The following RAB38 variants were observed in gnomAD, a reference collection of about 807,000 sequenced individuals.
The protein encoded by RAB38 is ras-related protein Rab-38.
RAB38 carries 15 observed loss-of-function variants against 18.4 expected under a neutral mutation model. The observed-to-expected ratio is 0.82, with a 90% CI of 0.55 to 1.26. The LOEUF (loss-of-function observed/expected upper bound fraction) is 1.26. RAB38 is among the 50% of genes most tolerant of loss of function. The pLI is 0.00. For synonymous variants in RAB38, 101 were observed against 104.4 expected (o/e 0.97, Z 0.20); for missense variants, 294 against 267.4 (o/e 1.10, Z -0.69).
At chr11:88,077,033 A>AAAAGAAAAGAAAAGAAAGC in the RAB38 span, among the ~76,000 whole-genome samples, 64 of 109,328 alleles carry the variant, frequency 5.9e-4, 2 homozygotes, top group East Asian at 2.1e-3. Context: ...GAAAAGAAAG[A>AAAAGAAAAGAAAAGAAAGC]AAGCAAGCAA....
At chr11:87,849,250 C>T in the RAB38 span, among the ~76,000 whole-genome samples, 1 of 152,116 alleles carries the variant, frequency 6.6e-6, no homozygotes, top group Non-Finnish European at 1.5e-5. Flanking sequence ...GGTTTGTACC[C>T]AAGTTTGCCC....
the RAB38 span, among the ~76,000 whole-genome samples, chr11:88,087,818 A>G: frequency 6.6e-6 from 1 of 151,832 alleles, no homozygotes; most frequent in Non-Finnish European, 1.5e-5. Context: ...TTTCATCACC[A>G]TTTGCTGGTT....
chr11:87,965,846 T>TCG, the RAB38 span, among the ~76,000 whole-genome samples: 3 of 152,142 alleles, frequency 2.0e-5, no homozygotes, highest in African/African-American at 4.8e-5. Flanking sequence ...AATTTGTGCA[T>TCG]TATGGGTTAA....
the RAB38 span, among the ~76,000 whole-genome samples, chr11:87,976,183 G>T: frequency 6.9e-6 from 1 of 144,614 alleles, no homozygotes. Flanking sequence ...GGTATATATA[G>T]GTATATTTAT....
chr11:87,885,088 A>G, the RAB38 span, among the ~76,000 whole-genome samples: 1 of 152,008 alleles, frequency 6.6e-6, no homozygotes. Flanking sequence ...GATGATTTCA[A>G]CATGTAATCA....
chr11:88,132,630 T>C (rs1482553895), intron 2 of RAB38, among the ~76,000 whole-genome samples: 1 of 152,174 alleles, frequency 6.6e-6, no homozygotes, highest in Non-Finnish European at 1.5e-5. Context: ...GCTAATTTTT[T>C]GTATTTTTAG....
At chr11:87,889,069 C>T in the RAB38 span, among the ~76,000 whole-genome samples, 1 of 151,852 alleles carries the variant, frequency 6.6e-6, no homozygotes, top group African/African-American at 2.4e-5. Flanking sequence ...CTCTTATCAG[C>T]AATAGTTTTT....
At chr11:87,873,922 G>GTGTATATATATATATATATATATATA in the RAB38 span, among the ~76,000 whole-genome samples, 3 of 103,114 alleles carry the variant, frequency 2.9e-5, no homozygotes, top group Admixed American at 1.2e-4. Flanking sequence ...GTGTGTGTGT[G>GTGTATATATATATATATATATATATA]TATATATATA....
chr11:87,840,936 G>A, the RAB38 span, among the ~76,000 whole-genome samples: 108 of 152,180 alleles, frequency 7.1e-4, no homozygotes, highest in African/African-American at 2.3e-3. Context: ...TAAAGTTCTC[G>A]TTACAGGTAT....
At chr11:87,937,683 C>A in the RAB38 span, among the ~76,000 whole-genome samples, 2 of 151,796 alleles carry the variant, frequency 1.3e-5, no homozygotes, top group Non-Finnish European at 2.9e-5. Flanking sequence ...AAGAATTGAT[C>A]CATTTGGAAA....
chr11:88,041,868 G>A, the RAB38 span, among the ~76,000 whole-genome samples: 3,200 of 152,086 alleles, frequency 0.021, 97 homozygotes, highest in African/African-American at 0.072. Context: ...ATACCTAAGC[G>A]CAGCCCACAT....
chr11:87,858,933 CAAAAAT>C, the RAB38 span, among the ~76,000 whole-genome samples: 298 of 139,026 alleles, frequency 2.1e-3, no homozygotes, highest in African/African-American at 7.3e-3. Flanking sequence ...GTCCAAAAAA[CAAAAAT>C]AAAAAGTAAA....
the RAB38 span, among the ~76,000 whole-genome samples, chr11:88,085,234 C>T: frequency 6.6e-6 from 1 of 151,888 alleles, no homozygotes; most frequent in Non-Finnish European, 1.5e-5. Flanking sequence ...ACTTCTTTCA[C>T]TATATATCTC....
the RAB38 span, among the ~76,000 whole-genome samples, chr11:88,044,550 G>C: frequency 3.9e-5 from 6 of 152,060 alleles, no homozygotes; most frequent in Admixed American, 3.9e-4. Context: ...AAACTCGACA[G>C]TGGTTCCAAA....
chr11:88,123,040 C>G (rs1289429898), intron 2 of RAB38, among the ~76,000 whole-genome samples: 1 of 152,216 alleles, frequency 6.6e-6, no homozygotes, highest in South Asian at 2.1e-4. Flanking sequence ...AAACGATATA[C>G]ACAGATGAAA....
the RAB38 span, among the ~76,000 whole-genome samples, chr11:87,858,360 G>C: frequency 6.6e-6 from 1 of 152,118 alleles, no homozygotes; most frequent in Non-Finnish European, 1.5e-5. Flanking sequence ...CCTCTACTCT[G>C]TGGTAGAGTT....
chr11:88,021,736 T>G, the RAB38 span, among the ~76,000 whole-genome samples: 5 of 148,800 alleles, frequency 3.4e-5, no homozygotes, highest in Non-Finnish European at 5.9e-5. Context: ...ACTACAGACC[T>G]ACGCTCAACT....
chr11:88,153,794 T>C (rs1356736111), intron 1 of RAB38, among the ~76,000 whole-genome samples: 1 of 152,208 alleles, frequency 6.6e-6, no homozygotes, highest in Non-Finnish European at 1.5e-5. Context: ...TAGTGTATGA[T>C]TAGTCTTAAA....
chr11:88,113,970 C>A lies in RAB38; in HGVS notation c.*18G>T. ...GAACAATGAGGTCATTCCTACCAGACACCAGCAAAGGTGCCTACTAGGATT... is the reference window on the plus strand; with the variant it reads ...GAACAATGAGGTCATTCCTACCAGAAACCAGCAAAGGTGCCTACTAGGATT... On this transcript the variant is annotated 3_prime_UTR_variant, in exon 3 of 3. Transcript: ENST00000243662. The A allele has an allele frequency of 6.2e-7, 1 of 1,613,922 alleles. No homozygotes were observed. Among genetic ancestry groups the A allele is most frequent in the Non-Finnish European group, 8.5e-7 (1 of 1,179,850 alleles).
Sources: allele counts gnomAD v4.1 joint callset (sites outside exome capture counted in the v4.1 genomes callset), GRCh38; gene constraint gnomAD v4.1.1; transcripts MANE v1.5; gene names NCBI Gene and HGNC (gene_info 2026-07-23, HGNC 2026-07-21).